The following SPATS2 variants were observed in gnomAD, a reference collection of about 807,000 sequenced individuals.
SPATS2 encodes spermatogenesis associated serine rich 2.
Under a neutral mutation model 63.7 loss-of-function variants are expected in SPATS2, and 38 were observed. The ratio of observed to expected loss-of-function variants is 0.60; its 90% CI spans 0.46 to 0.78. The LOEUF (loss-of-function observed/expected upper bound fraction) is 0.78, where lower values mean the gene tolerates loss of function less well. SPATS2 is among the 30% of genes least tolerant of loss of function. The pLI is 0.00. For missense variants in SPATS2, 588 were observed against 666.2 expected, an observed-to-expected ratio of 0.88 and a Z score of 1.29; for synonymous variants, 207 against 232.9, an observed-to-expected ratio of 0.89 and a Z score of 1.01.
chr12:49,501,510 G>C (rs1177449446), intron 9 of SPATS2, among the ~76,000 whole-genome samples: 1 of 152,208 alleles, frequency 6.6e-6, no homozygotes, highest in Admixed American at 6.5e-5. Context: ...CAACACACGA[G>C]CTTTGGGGAT....
chr12:49,375,141 AGTGTGTGTGTGTGTGTGTGTGT>A (rs10601423), intron 2 of SPATS2, among the ~76,000 whole-genome samples: 103 of 123,380 alleles, frequency 8.3e-4, no homozygotes, highest in African/African-American at 2.1e-3. Flanking sequence ...CAAGTTGTGG[AGTGTGTGTGTGTGTGTGTGTGT>A]GTGTGTGTGT....
intron 2 of SPATS2, among the ~76,000 whole-genome samples, chr12:49,420,362 G>A (rs1171776921): frequency 1.3e-5 from 2 of 152,126 alleles, no homozygotes; most frequent in East Asian, 1.9e-4. Flanking sequence ...GGGAGGCCGC[G>A]GCCAGCAGAC....
intron 3 of SPATS2, among the ~76,000 whole-genome samples, chr12:49,480,881 C>T (rs1946194869): frequency 6.6e-6 from 1 of 151,576 alleles, no homozygotes; most frequent in African/African-American, 2.4e-5. Flanking sequence ...ACACTTAGTA[C>T]AGTATGATCT....
chr12:49,455,648 G>A (rs577987891), intron 2 of SPATS2, among the ~76,000 whole-genome samples: 55 of 152,104 alleles, frequency 3.6e-4, no homozygotes, highest in Non-Finnish European at 5.3e-4. Context: ...TTGAGACAGG[G>A]TCTCATTCCG....
At position 49,430,914 on chromosome 12, in the gene SPATS2, A is replaced by G. The variant is rs1265431942; in HGVS notation, c.-243-29856A>G. On this transcript the variant is annotated intron_variant, in intron 2 of 13. Transcript: ENST00000552918. ...GGAGTTTCACCATGTTGGCCGGGCT[A>G]ATCTCGAACTCCTGACCTCAAATGA... Among the ~76,000 whole-genome samples the G allele has an allele frequency of 2.6e-5, 4 of 152,016 alleles. No individual in the cohort carries two copies. The East Asian group carries it at 7.8e-4, about 30-fold the overall frequency.
rs192099802 is a variant in SPATS2 at position 49,446,704 on chromosome 12, G to C, written c.-243-14066G>C. Among the ~76,000 whole-genome samples the C allele has an allele frequency of 1.1e-4, 16 of 152,296 alleles. No homozygotes were observed. In the East Asian group the frequency reaches 2.9e-3, roughly 28 times the overall value. On this transcript the variant is annotated intron_variant, in intron 2 of 13. Coordinates refer to ENST00000552918, the MANE Select transcript of SPATS2 (RefSeq NM_023071.4). ...GCCAGAGAAATTTCTCCCGTCTTAA[G>C]GGCTCATGCGATTAGATTGGGCCCA...
At chr12:49,507,178 TCTGGG>T (rs1946668473) in intron 9 of SPATS2, among the ~76,000 whole-genome samples, 1 of 152,250 alleles carries the variant, frequency 6.6e-6, no homozygotes, top group Non-Finnish European at 1.5e-5. Flanking sequence ...GCCTTGTGAT[TCTGGG>T]ATTCTTCAGG....
chr12:49,409,868 G>C (rs1308726199), intron 2 of SPATS2, among the ~76,000 whole-genome samples: 1 of 151,874 alleles, frequency 6.6e-6, no homozygotes, highest in East Asian at 1.9e-4. Context: ...CTCCTAAAGT[G>C]GTAGGATTAC....
At chr12:49,407,821 A>T (rs77859016) in intron 2 of SPATS2, among the ~76,000 whole-genome samples, 4,440 of 152,328 alleles carry the variant, frequency 0.029, 92 homozygotes, top group Middle Eastern at 0.078. Flanking sequence ...TTTTGTAAAT[A>T]AAGTTTAATT....
At chr12:49,524,546 A>T (rs147322553) in intron 12 of SPATS2, 136 bp from the exon 13 acceptor site, 2 of 867,542 alleles carry the variant, frequency 2.3e-6, no homozygotes, top group Middle Eastern at 3.6e-4. Context: ...TCCTGTTACC[A>T]GTTTTATAGG....
chr12:49,437,746 G>T (rs1358498491), intron 2 of SPATS2, among the ~76,000 whole-genome samples: 2 of 152,196 alleles, frequency 1.3e-5, no homozygotes, highest in Admixed American at 6.5e-5. Flanking sequence ...GGAGAATCAG[G>T]CAGGGAGGTT....
chr12:49,498,132 CAAAA>C (rs71439501), intron 8 of SPATS2, among the ~76,000 whole-genome samples: 8 of 117,294 alleles, frequency 6.8e-5, no homozygotes, highest in Admixed American at 1.6e-4. Context: ...CCAATCAAGC[CAAAA>C]AAAAAAAAAA....
chr12:49,504,858 G>C (rs760693120), intron 9 of SPATS2, among the ~76,000 whole-genome samples: 1 of 148,444 alleles, frequency 6.7e-6, no homozygotes, highest in Non-Finnish European at 1.5e-5. Flanking sequence ...AGCCTCCCAG[G>C]CTCAAGGGAT....
chr12:49,392,482 G>A (rs1467432962), intron 2 of SPATS2, among the ~76,000 whole-genome samples: 1 of 152,180 alleles, frequency 6.6e-6, no homozygotes, highest in Admixed American at 6.5e-5. Flanking sequence ...AGTTTGGGAG[G>A]CGGGTGAATC....
intron 2 of SPATS2, among the ~76,000 whole-genome samples, chr12:49,439,008 A>G (rs928115946): frequency 2.0e-5 from 3 of 152,206 alleles, no homozygotes; most frequent in Non-Finnish European, 4.4e-5. Context: ...ACAGTTGTAG[A>G]AAAAAATGTA....
At chr12:49,397,066 C>T (rs1396659097) in intron 2 of SPATS2, among the ~76,000 whole-genome samples, 5 of 152,178 alleles carry the variant, frequency 3.3e-5, no homozygotes, top group African/African-American at 9.7e-5. Flanking sequence ...GCCTTGTGTT[C>T]CCACTCGCTA....
intron 3 of SPATS2, among the ~76,000 whole-genome samples, chr12:49,474,848 G>T (rs892949395): frequency 3.9e-5 from 6 of 152,196 alleles, no homozygotes; most frequent in African/African-American, 1.4e-4. Context: ...AAAGAAAGAG[G>T]TTTATTGGAT....
At chr12:49,500,884 C>T (rs544930874) in intron 9 of SPATS2, among the ~76,000 whole-genome samples, 94 of 152,192 alleles carry the variant, frequency 6.2e-4, no homozygotes, top group African/African-American at 2.2e-3. Flanking sequence ...TCTTTGCTTT[C>T]CTACCTTCTT....
At chr12:49,428,051 C>G (rs573178843) in intron 2 of SPATS2, among the ~76,000 whole-genome samples, 34 of 151,934 alleles carry the variant, frequency 2.2e-4, no homozygotes, top group Admixed American at 5.2e-4. Flanking sequence ...GTCAGGAGAT[C>G]GAGACCATCC....
Sources: allele counts gnomAD v4.1 joint callset (sites outside exome capture counted in the v4.1 genomes callset), GRCh38; gene constraint gnomAD v4.1.1; transcripts MANE v1.5; gene names NCBI Gene and HGNC (gene_info 2026-07-23, HGNC 2026-07-21).